The following UTRN variants were observed in gnomAD, a reference collection of about 807,000 sequenced individuals.
The protein encoded by UTRN is utrophin.
Under a neutral mutation model 463.9 loss-of-function variants are expected in UTRN, and 283 were observed. That is an observed-to-expected ratio of 0.61 (90% CI 0.55 to 0.67). The LOEUF (loss-of-function observed/expected upper bound fraction) is 0.67, where lower values mean the gene tolerates loss of function less well. Among genes scored for constraint, UTRN ranks in the 30% least tolerant of loss-of-function variants. The pLI is 0.00. For synonymous variants in UTRN, 1,442 were observed against 1,431.5 expected, an observed-to-expected ratio of 1.01 and a Z score of -0.17; for missense variants, 3,922 against 4,084.3, an observed-to-expected ratio of 0.96 and a Z score of 1.08.
intron 23 of UTRN, among the ~76,000 whole-genome samples, chr6:144,467,028 A>G (rs1790027519): frequency 6.6e-6 from 1 of 152,210 alleles, no homozygotes; most frequent in African/African-American, 2.4e-5. Context: ...TACTTCTGAA[A>G]GGATCTGGTT....
chr6:144,451,318 T>C (rs1338479019), intron 17 of UTRN, 52 bp from the exon 18 acceptor site: 1 of 1,575,360 alleles, frequency 6.3e-7, no homozygotes, highest in Non-Finnish European at 8.6e-7. Context: ...TGGAGTCAAG[T>C]AAAACAGTAG....
intron 14 of UTRN, 68 bp from the exon 15 acceptor site, chr6:144,447,143 G>A: frequency 7.0e-7 from 1 of 1,423,928 alleles, no homozygotes. Flanking sequence ...TAGAAATTTG[G>A]ATGCATGATT....
intron 2 of UTRN, among the ~76,000 whole-genome samples, chr6:144,345,020 G>C (rs561706979): frequency 6.6e-6 from 1 of 152,202 alleles, no homozygotes; most frequent in African/African-American, 2.4e-5. Flanking sequence ...AAAACCCCAA[G>C]TGATGTGTTT....
intron 2 of UTRN, among the ~76,000 whole-genome samples, chr6:144,370,978 C>T (rs1779931531): frequency 1.3e-5 from 2 of 152,306 alleles, no homozygotes; most frequent in East Asian, 1.9e-4. Flanking sequence ...CTTAAGACAC[C>T]TGCATTACTG....
At chr6:144,552,130 C>A (rs567301823) in intron 48 of UTRN, among the ~76,000 whole-genome samples, 4 of 152,218 alleles carry the variant, frequency 2.6e-5, no homozygotes, top group Non-Finnish European at 5.9e-5. Flanking sequence ...ATATTTGTGA[C>A]AAAATATAAA....
At chr6:144,688,973 G>A (rs909858573) in intron 52 of UTRN, among the ~76,000 whole-genome samples, 1 of 152,096 alleles carries the variant, frequency 6.6e-6, no homozygotes, top group Non-Finnish European at 1.5e-5. Context: ...ATGCACTGAG[G>A]TCTTTTCAGG....
chr6:144,635,175 G>A (rs926169896), intron 51 of UTRN, among the ~76,000 whole-genome samples: 4 of 144,196 alleles, frequency 2.8e-5, no homozygotes, highest in African/African-American at 1.0e-4. Context: ...CATGAGACAG[G>A]GTTTTACTGT....
intron 51 of UTRN, among the ~76,000 whole-genome samples, chr6:144,672,243 T>A (rs529384752): frequency 8.6e-5 from 13 of 151,918 alleles, no homozygotes; most frequent in Non-Finnish European, 5.9e-5. Context: ...TACCAGTTCT[T>A]CTTTGAATGT....
intron 65 of UTRN, among the ~76,000 whole-genome samples, chr6:144,819,910 T>TCCTCCTCCTCCTCCTC (rs1562949034): frequency 1.3e-5 from 1 of 79,876 alleles, no homozygotes. Flanking sequence ...CTCCTCCTCC[T>TCCTCCTCCTCCTCCTC]CCTCTCTCTC....
chr6:144,359,083 G>A (rs77569950), intron 2 of UTRN, among the ~76,000 whole-genome samples: 1,997 of 152,178 alleles, frequency 0.013, 22 homozygotes, highest in South Asian at 0.056. Context: ...ATAGTACAGC[G>A]AAAATTATCT....
chr6:144,499,282 A>G lies in UTRN; in HGVS notation c.4619A>G (p.Glu1540Gly), dbSNP rs1432295686. ...GTGACAGAAGGAAAACAGGATCTGG[A>G]AAGAGCATCACAGTTGGCCCGGAAA... ...AQVTEGKQDL[E>G]RASQLARKMK... is the part of the protein sequence containing the mutation. Residue 1540 changes from glutamate to glycine, a missense_variant, in exon 34 of 75, where the codon GAA becomes GGA. Glu to Gly is a moderately conservative substitution (Grantham distance 98). Coordinates refer to ENST00000367545, the MANE Select transcript of UTRN (RefSeq NM_007124.3). The G allele has an allele frequency of 1.2e-6, 2 of 1,612,676 alleles. No individual in the cohort carries two copies. The highest frequency in any genetic ancestry group is 1.7e-5 in the Admixed American group (1 of 59,972).
chr6:144,659,165 C>T (rs531379779), intron 51 of UTRN, among the ~76,000 whole-genome samples: 1 of 152,222 alleles, frequency 6.6e-6, no homozygotes, highest in African/African-American at 2.4e-5. Context: ...CATGGGTTGG[C>T]TCCCAACTGG....
At chr6:144,742,979 G>T (rs1488887119) in intron 54 of UTRN, among the ~76,000 whole-genome samples, 1 of 152,184 alleles carries the variant, frequency 6.6e-6, no homozygotes, top group African/African-American at 2.4e-5. Flanking sequence ...TTGTAAGGTT[G>T]ATCCTTCTAT....
chr6:144,480,111 T>C, intron 26 of UTRN, 129 bp downstream of exon 26: 2 of 1,145,762 alleles, frequency 1.7e-6, no homozygotes, highest in South Asian at 4.4e-5. Context: ...GGTTTTTGAA[T>C]TAAAAAAACA....
At chr6:144,470,365 A>T (rs1342172776) in intron 23 of UTRN, among the ~76,000 whole-genome samples, 1 of 148,610 alleles carries the variant, frequency 6.7e-6, no homozygotes, top group Non-Finnish European at 1.5e-5. Context: ...TGCCGGGCGG[A>T]GGGGCTCCTC....
At chr6:144,296,306 C>G (rs962204191) in intron 2 of UTRN, among the ~76,000 whole-genome samples, 2 of 152,174 alleles carry the variant, frequency 1.3e-5, no homozygotes, top group African/African-American at 4.8e-5. Context: ...ACCGCACATG[C>G]GAGGGATCTA....
chr6:144,424,648 C>A (rs545969025), intron 6 of UTRN, among the ~76,000 whole-genome samples: 1 of 152,266 alleles, frequency 6.6e-6, no homozygotes, highest in African/African-American at 2.4e-5. Context: ...ACCTACCTTT[C>A]TTATGTTAAA....
At chr6:144,294,783 T>G (rs1223296826) in intron 2 of UTRN, among the ~76,000 whole-genome samples, 2 of 152,044 alleles carry the variant, frequency 1.3e-5, no homozygotes, top group East Asian at 3.8e-4. Context: ...TCATGCCATT[T>G]TGAATATTAT....
At chr6:144,804,026 T>A (rs542904336) in intron 65 of UTRN, among the ~76,000 whole-genome samples, 1 of 152,242 alleles carries the variant, frequency 6.6e-6, no homozygotes, top group South Asian at 2.1e-4. Flanking sequence ...TTTACAGCTA[T>A]TTTTTCCTGA....
Sources: gnomAD v4.1 joint callset for allele counts (sites outside exome capture counted in the v4.1 genomes callset) on GRCh38, gnomAD v4.1.1 for gene constraint, MANE v1.5 for transcripts, NCBI Gene and HGNC (gene_info 2026-07-23, HGNC 2026-07-21) for gene names.